Variants in SLC37A3 observed in about 807,000 individuals in gnomAD.
The protein encoded by SLC37A3 is sugar phosphate exchanger 3.
SLC37A3 carries 51 observed loss-of-function variants against 67.1 expected under a neutral mutation model. The ratio of observed to expected loss-of-function variants is 0.76; its 90% confidence interval spans 0.61 to 0.96. SLC37A3 has a LOEUF of 0.96. Ranked by LOEUF, SLC37A3 falls within the 40% of genes least tolerant of loss-of-function variation. The probability of loss-of-function intolerance (pLI) is 0.00; values close to 1 mark genes in which losing one functional copy is unlikely to be tolerated. For missense variants in SLC37A3, 508 were observed against 603.0 expected, an observed-to-expected ratio of 0.84 and a Z score of 1.65; for synonymous variants, 214 against 231.4, an observed-to-expected ratio of 0.92 and a Z score of 0.68.
chr7:140,382,295 A>G, intron 2 of SLC37A3, 143 bp downstream of exon 2: 1 of 694,168 alleles, frequency 1.4e-6, no homozygotes, highest in East Asian at 2.8e-5. Flanking sequence ...GAACTACGAT[A>G]TTACAGCTAT....
chr7:140,364,294 G>A, intron 5 of SLC37A3, 114 bp downstream of exon 5: 2 of 962,684 alleles, frequency 2.1e-6, no homozygotes, highest in Non-Finnish European at 3.0e-6. Context: ...AGGCAAATGA[G>A]GGATTCGAAC....
chr7:140,344,646 C>G (rs1796484298), intron 12 of SLC37A3, among the ~76,000 whole-genome samples: 1 of 152,094 alleles, frequency 6.6e-6, no homozygotes, highest in Non-Finnish European at 1.5e-5. Flanking sequence ...TTACCAGCTA[C>G]TCAGGAGGCT....
Position 140,385,589 on chromosome 7 carries a change from A to G in SLC37A3, c.-70-2993T>C, listed in dbSNP as rs1389482449. ...AAAAATAAATGCTCCAACAGATTGA[A>G]ATTACAGTACATTGGCAATAGAGCT... On this transcript the variant is annotated intron_variant, in intron 1 of 14. Transcript: ENST00000326232. Among the ~76,000 whole-genome samples, 4 of 152,196 alleles carry G rather than the reference A, an allele frequency of 2.6e-5. No individual in the cohort carries two copies. The East Asian group carries it at 7.7e-4, about 29-fold the overall frequency.
chr7:140,389,269 A>C (rs1353127310), intron 1 of SLC37A3, among the ~76,000 whole-genome samples: 2 of 152,146 alleles, frequency 1.3e-5, no homozygotes, highest in African/African-American at 4.8e-5. Flanking sequence ...CCTGGGGATA[A>C]CATCACTATT....
At chr7:140,393,560 T>C (rs191017050) in intron 1 of SLC37A3, among the ~76,000 whole-genome samples, 152 of 152,288 alleles carry the variant, frequency 1.0e-3, no homozygotes, top group African/African-American at 3.4e-3. Flanking sequence ...GGCTTTGTGT[T>C]TGTTCTTCCA....
intron 6 of SLC37A3, among the ~76,000 whole-genome samples, chr7:140,356,425 T>TA (rs1797032380): frequency 6.6e-6 from 1 of 152,122 alleles, no homozygotes; most frequent in Non-Finnish European, 1.5e-5. Flanking sequence ...CTCACGCCTG[T>TA]AATCTCAGCC....
At chr7:140,342,972 G>A (rs900028437) in intron 13 of SLC37A3, among the ~76,000 whole-genome samples, 12 of 152,212 alleles carry the variant, frequency 7.9e-5, no homozygotes, top group African/African-American at 2.2e-4. Context: ...CCATGGCCAT[G>A]TCTGGCGGGG....
intron 13 of SLC37A3, chr7:140,337,563 G>C (rs1796192702): frequency 5.1e-6 from 2 of 392,166 alleles, no homozygotes; most frequent in South Asian, 1.7e-4. Context: ...CCGTATAATA[G>C]AAGTTGTCAG....
chr7:140,382,684 A>C, intron 1 of SLC37A3, 88 bp from the exon 2 acceptor site: 3 of 590,504 alleles, frequency 5.1e-6, no homozygotes, highest in Non-Finnish European at 5.8e-6. Context: ...TCACCATATA[A>C]TCAGGCCTTG....
intron 1 of SLC37A3, among the ~76,000 whole-genome samples, chr7:140,391,562 T>C (rs1202120391): frequency 6.6e-6 from 1 of 152,002 alleles, no homozygotes; most frequent in African/African-American, 2.4e-5. Context: ...TTTCAAAAAA[T>C]TAAACAATAA....
intron 1 of SLC37A3, 108 bp from the exon 2 acceptor site, chr7:140,382,704 A>C (rs1428934096): frequency 1.9e-6 from 1 of 513,496 alleles, no homozygotes; most frequent in Non-Finnish European, 3.4e-6. Flanking sequence ...GTGGGAAAAA[A>C]ATCTTATGGC....
At chr7:140,371,741 A>C (rs927288651) in intron 3 of SLC37A3, among the ~76,000 whole-genome samples, 2 of 152,228 alleles carry the variant, frequency 1.3e-5, no homozygotes, top group South Asian at 2.1e-4. Context: ...CCACTGAAGG[A>C]AATGGAAATA....
intron 4 of SLC37A3, among the ~76,000 whole-genome samples, chr7:140,366,317 C>G (rs1477004275): frequency 6.6e-6 from 1 of 152,060 alleles, no homozygotes; most frequent in Non-Finnish European, 1.5e-5. Context: ...CCATGTTGGC[C>G]AGGCTGGTCT....
rs546342508 is a variant in SLC37A3 at position 140,347,945 on chromosome 7, G to A, written c.1024+681C>T. On this transcript the variant is annotated intron_variant, in intron 10 of 14. Transcript: ENST00000326232. ...CCGTGGATACCTGAAACCACAGACA[G>A]TACCAAACTCTATACATACTATGTT... Among the ~76,000 whole-genome samples the A allele has an allele frequency of 3.3e-5, 5 of 152,174 alleles. No homozygotes were observed. The East Asian group carries it at 9.6e-4, about 29-fold the overall frequency.
intron 1 of SLC37A3, among the ~76,000 whole-genome samples, chr7:140,394,665 G>A (rs190679952): frequency 1.0e-4 from 15 of 149,374 alleles, no homozygotes; most frequent in Admixed American, 4.6e-4. Flanking sequence ...CTGGAGGGCA[G>A]TGGCGTGATC....
At chr7:140,346,627 T>C (rs1351954854) in intron 10 of SLC37A3, among the ~76,000 whole-genome samples, 4 of 152,252 alleles carry the variant, frequency 2.6e-5, no homozygotes, top group Non-Finnish European at 5.9e-5. Flanking sequence ...TTGCTGGGCA[T>C]GGTGGCTCAT....
chr7:140,395,678 A>G (rs1482866914), intron 1 of SLC37A3, among the ~76,000 whole-genome samples: 1 of 152,138 alleles, frequency 6.6e-6, no homozygotes, highest in African/African-American at 2.4e-5. Flanking sequence ...ACTGCTCTCC[A>G]ACCTGGGCAA....
intron 14 of SLC37A3, among the ~76,000 whole-genome samples, chr7:140,336,770 C>T (rs1418631296): frequency 6.6e-6 from 1 of 152,022 alleles, no homozygotes; most frequent in Non-Finnish European, 1.5e-5. Context: ...AGACTCAGGT[C>T]AAGAGCAAAC....
intron 3 of SLC37A3, among the ~76,000 whole-genome samples, chr7:140,370,763 T>G (rs1797787162): frequency 6.6e-6 from 1 of 152,206 alleles, no homozygotes; most frequent in African/African-American, 2.4e-5. Flanking sequence ...AAAGTGTCCT[T>G]CATTAACCTA....
Sources: gnomAD v4.1 joint callset for allele counts (sites outside exome capture counted in the v4.1 genomes callset) on GRCh38, gnomAD v4.1.1 for gene constraint, MANE v1.5 for transcripts, NCBI Gene and HGNC (gene_info 2026-07-23, HGNC 2026-07-21) for gene names.